The following TMC3 variants were observed in gnomAD, a reference collection of about 807,000 sequenced individuals.
The protein encoded by TMC3 is transmembrane channel like 3, also known as transmembrane channel-like protein 3.
In TMC3, 98 loss-of-function variants were observed where a neutral mutation model predicts 110.6. The ratio of observed to expected loss-of-function variants is 0.89; its 90% CI spans 0.75 to 1.05. The LOEUF is 1.05. Among genes scored for constraint, TMC3 ranks in the 50% least tolerant of loss-of-function variants. TMC3 has a pLI of 0.00. For missense variants in TMC3, 1,319 were observed against 1,373.2 expected (o/e 0.96, Z 0.62); for synonymous variants, 489 against 513.1 (o/e 0.95, Z 0.63).
chr15:81,345,073 A>G, intron 12 of TMC3, 62 bp from the exon 13 acceptor site: 3 of 1,527,954 alleles, frequency 2.0e-6, no homozygotes, highest in South Asian at 2.5e-5. Flanking sequence ...CGGTCCACAT[A>G]TTTGTAAATG....
At position 81,356,956 on chromosome 15, in the gene TMC3, C is replaced by T. The variant is rs551513655; in HGVS notation, c.744-362G>A. On this transcript the variant is annotated intron_variant, in intron 7 of 21. Coordinates refer to ENST00000359440, the MANE Select transcript of TMC3 (RefSeq NM_001080532.3). ...TAAAATTTTCCTTTGAATCAGTCTT[C>T]TTGGAGCTCCTTCCCATGGGAACTC... Among the ~76,000 whole-genome samples the T allele has an allele frequency of 7.2e-5, 11 of 152,332 alleles. No individual in the cohort carries two copies. The South Asian group carries it at 2.3e-3, about 32-fold the overall frequency.
chr15:81,333,530 C>T (rs1893522495), intron 21 of TMC3, among the ~76,000 whole-genome samples: 1 of 152,238 alleles, frequency 6.6e-6, no homozygotes. Flanking sequence ...TAGTGTATTT[C>T]CTCACAGAGC....
intron 4 of TMC3, among the ~76,000 whole-genome samples, chr15:81,361,042 T>C (rs1339961693): frequency 1.3e-5 from 2 of 151,486 alleles, no homozygotes; most frequent in Non-Finnish European, 2.9e-5. Flanking sequence ...TTTTGGTACA[T>C]ATTAAAACTT....
Position 81,343,266 on chromosome 15 carries a change from T to G in TMC3, c.1715+12A>C. ...GATGTAAGCAAAGGCAAGAAGAAAC[T>G]TTGATACCTACCAAATCATTCCTTG... is the stretch of plus-strand genomic sequence containing the variant. On this transcript the variant is annotated intron_variant, in intron 15 of 21. Coordinates refer to ENST00000359440, the MANE Select transcript of TMC3 (RefSeq NM_001080532.3). 6.3e-7 allele frequency: 1 copy of G among 1,589,234 alleles called. No individual in the cohort carries two copies. The highest frequency in any genetic ancestry group is 8.6e-7 in the Non-Finnish European group (1 of 1,157,420).
chr15:81,339,354 G>T, intron 17 of TMC3, 40 bp downstream of exon 17: 1 of 1,410,378 alleles, frequency 7.1e-7, no homozygotes, highest in Non-Finnish European at 9.9e-7. Context: ...TTCCCTTACA[G>T]CTGTCAGTCA....
intron 11 of TMC3, among the ~76,000 whole-genome samples, chr15:81,347,200 A>G (rs1051291273): frequency 1.3e-5 from 2 of 152,262 alleles, no homozygotes; most frequent in African/African-American, 4.8e-5. Context: ...CGACAGGTTT[A>G]TACACACTTC....
chr15:81,334,822 G>C lies in TMC3; in HGVS notation c.2357C>G (p.Thr786Arg). 6.2e-7 allele frequency: 1 copy of C among 1,614,050 alleles called. No homozygotes were observed. The highest frequency in any genetic ancestry group is 1.1e-5 in the South Asian group (1 of 91,086). Reference protein sequence around the residue: ...SGSSKSGRIETVAQSMPQSPR... With the variant: ...SGSSKSGRIERVAQSMPQSPR... ...GCTCTGGGGCATGGACTGTGCGACT[G>C]TCTCTATCCTGCCACTCTTGCTGCT... Residue 786 changes from threonine (T) to arginine (R), a missense_variant, in exon 21 of 22, where the codon ACA becomes AGA. Physicochemically the swap from Thr to Arg is moderately conservative, Grantham distance 71. Coordinates refer to ENST00000359440, the MANE Select transcript of TMC3 (RefSeq NM_001080532.3).
intron 3 of TMC3, among the ~76,000 whole-genome samples, chr15:81,365,691 AG>A (rs1567070148): frequency 2.7e-5 from 4 of 147,402 alleles, no homozygotes; most frequent in South Asian, 2.2e-4. Context: ...AAAAAGAAAA[AG>A]AAAAAAAAGA....
chr15:81,370,982 T>C (rs556034317), intron 2 of TMC3, among the ~76,000 whole-genome samples: 2 of 151,448 alleles, frequency 1.3e-5, no homozygotes, highest in East Asian at 4.0e-4. Flanking sequence ...CAAGAACCTA[T>C]GTCTTTTTTT....
At chr15:81,359,753 A>G (rs779839881) in intron 4 of TMC3, among the ~76,000 whole-genome samples, 2 of 152,234 alleles carry the variant, frequency 1.3e-5, no homozygotes, top group Non-Finnish European at 2.9e-5. Flanking sequence ...GGTCTTATCA[A>G]ATTTACAATA....
chr15:81,349,610 C>T (rs774003385), intron 10 of TMC3, 43 bp from the exon 11 acceptor site: 1 of 1,200,160 alleles, frequency 8.3e-7, no homozygotes, highest in Non-Finnish European at 1.1e-6. Context: ...TCCCAGGACC[C>T]CCCACCAGCC....
chr15:81,362,278 G>C lies in TMC3; in HGVS notation c.336C>G (p.Leu112=), dbSNP rs765848626. 9.3e-6 allele frequency: 15 copies of C among 1,612,434 alleles called. No homozygotes were observed. The East Asian group carries it at 2.7e-4, about 29-fold the overall frequency. The change falls in exon 4 of 22, where the codon CTC becomes CTG. Residue 112 remains leucine (L), a synonymous_variant. Transcript: ENST00000359440. ...TGAAGATGACCACAAAGTTACAGGC[G>C]AGACGAGCAAATTTCCGCCAGAGCT... ...GAELWRKFAR[L]ACNFVVIFIP...
At position 81,343,989 on chromosome 15, in the gene TMC3, G is replaced by T. The variant is rs779071177; in HGVS notation, c.1575C>A (p.Leu525=). ...DMLFTVASIL[L]IDFFRGLFVR... is the part of the protein sequence containing the mutation. The stretch of plus-strand genomic sequence containing the variant: ...CGAAAAGTCCTCGGAAGAAGTCTAT[G>T]AGCAGAATGCTCGCCACGGTGAAGA... The change falls in exon 14 of 22, where the codon CTC becomes CTA. Residue 525 remains leucine (L), a synonymous_variant. Coordinates refer to ENST00000359440, the MANE Select transcript of TMC3 (RefSeq NM_001080532.3). 1 of 1,613,256 alleles carries T rather than the reference G, an allele frequency of 6.2e-7. No homozygotes were observed. The highest frequency in any genetic ancestry group is 1.1e-5 in the South Asian group (1 of 91,018).
chr15:81,354,163 C>CAGAA (rs1292862755), intron 9 of TMC3, among the ~76,000 whole-genome samples: 23 of 152,258 alleles, frequency 1.5e-4, no homozygotes, highest in Non-Finnish European at 3.2e-4. Flanking sequence ...GCACCTTCTT[C>CAGAA]TGCCAACTTT....
chr15:81,335,730 A>G (rs950013644), intron 20 of TMC3: 1 of 152,248 alleles, frequency 6.6e-6, no homozygotes, highest in Non-Finnish European at 1.5e-5. Flanking sequence ...TGCCATGTTA[A>G]TGGTGCCCAG....
chr15:81,360,151 G>C (rs1894155638), intron 4 of TMC3, among the ~76,000 whole-genome samples: 5 of 151,290 alleles, frequency 3.3e-5, no homozygotes, highest in Admixed American at 3.3e-4. Context: ...GTTTATGTTT[G>C]TCATAATGAG....
Position 81,338,730 on chromosome 15 carries a change from A to C in TMC3, c.2006T>G (p.Phe669Cys). 1 of 1,614,014 alleles carries C rather than the reference A, an allele frequency of 6.2e-7. No individual in the cohort carries two copies. The highest frequency in any genetic ancestry group is 1.1e-5 in the South Asian group (1 of 91,084). ...AACCACGGAGCCAAACCACACAGGAAAGTCTTTCTCAATCGTTTCTGACAC... is the reference window on the plus strand; with the variant it reads ...AACCACGGAGCCAAACCACACAGGACAGTCTTTCTCAATCGTTTCTGACAC... Reference protein sequence around the residue: ...DIVSETIEKDFPVWFGSVVGH... With the variant: ...DIVSETIEKDCPVWFGSVVGH... The change falls in exon 18 of 22, where the codon TTT becomes TGT. Residue 669 changes from phenylalanine to cysteine, a missense_variant. By Grantham distance (205) the Phe-to-Cys change is radical (BLOSUM62 -2). Coordinates refer to ENST00000359440, the MANE Select transcript of TMC3 (RefSeq NM_001080532.3).
At position 81,359,426 on chromosome 15, in the gene TMC3, C is replaced by T. The variant is rs772637820; in HGVS notation, c.440G>A (p.Trp147Ter). 6.2e-7 allele frequency: 1 copy of T among 1,604,940 alleles called. No individual in the cohort carries two copies. Among genetic ancestry groups the T allele is most frequent in the Non-Finnish European group, 8.5e-7 (1 of 1,176,776 alleles). Residue 147 changes from tryptophan to a stop codon, truncating the protein, a stop_gained, in exon 5 of 22, where the codon TGG becomes TAG. Coordinates refer to ENST00000359440, the MANE Select transcript of TMC3 (RefSeq NM_001080532.3). LOFTEE classifies it high-confidence loss of function. ...GAGCACAATATTAATTCCAAATAAC[C>T]ATCTCAAGAATATGAAATAGGAGGC... ...GVASYFIFLR[W>*]LFGINIVLTI... is the part of the protein sequence containing the mutation.
At chr15:81,337,581 G>T (rs1278174068) in intron 19 of TMC3, 1 of 551,094 alleles carries the variant, frequency 1.8e-6, no homozygotes, top group Non-Finnish European at 3.3e-6. Flanking sequence ...CACAGGGTGG[G>T]CACTGAAAGG....
Sources: allele counts gnomAD v4.1 joint callset (sites outside exome capture counted in the v4.1 genomes callset), GRCh38; gene constraint gnomAD v4.1.1; transcripts MANE v1.5; gene names NCBI Gene and HGNC (gene_info 2026-07-23, HGNC 2026-07-21).